EYA2: variants seen among roughly 807,000 people sequenced by gnomAD.
The protein encoded by EYA2 is protein phosphatase EYA2.
A neutral mutation model predicts 69.2 loss-of-function variants in EYA2; 31 were observed. The ratio of observed to expected loss-of-function variants is 0.45; its 90% confidence interval spans 0.34 to 0.60. The LOEUF (loss-of-function observed/expected upper bound fraction) is 0.60, where lower values mean the gene tolerates loss of function less well. EYA2 is among the 20% of genes least tolerant of loss of function. The pLI is 0.02. For synonymous variants in EYA2, 257 were observed against 279.4 expected, an observed-to-expected ratio of 0.92 and a Z score of 0.80; for missense variants, 622 against 701.2, an observed-to-expected ratio of 0.89 and a Z score of 1.28.
chr20:46,975,398 A>G (rs1980399175), intron 1 of EYA2, among the ~76,000 whole-genome samples: 1 of 152,224 alleles, frequency 6.6e-6, no homozygotes, highest in Admixed American at 6.5e-5. Flanking sequence ...GGCCGGGCAC[A>G]GTGGCTTATG....
At chr20:47,023,921 C>T (rs927317680) in intron 5 of EYA2, among the ~76,000 whole-genome samples, 4 of 152,188 alleles carry the variant, frequency 2.6e-5, no homozygotes, top group African/African-American at 9.7e-5. Context: ...AGGCATGAGC[C>T]ACCATGCCCA....
At chr20:46,934,492 G>A (rs929788678) in intron 1 of EYA2, among the ~76,000 whole-genome samples, 5 of 152,096 alleles carry the variant, frequency 3.3e-5, no homozygotes, top group East Asian at 1.9e-4. Flanking sequence ...CAGTTAGGTC[G>A]TGGGCACATC....
intron 1 of EYA2, among the ~76,000 whole-genome samples, chr20:46,921,642 T>G (rs1600545633): frequency 6.6e-6 from 1 of 152,290 alleles, no homozygotes. Context: ...AATGATGCCC[T>G]CTTTTCTCTG....
intron 4 of EYA2, among the ~76,000 whole-genome samples, chr20:47,010,706 A>T (rs6066156): frequency 0.52 from 76,819 of 148,734 alleles, 20,742 homozygotes; most frequent in Non-Finnish European, 0.6. Flanking sequence ...TACAAATATA[A>T]ATATAATATA....
intron 7 of EYA2, among the ~76,000 whole-genome samples, chr20:47,082,952 G>T (rs1459287983): frequency 2.0e-5 from 3 of 152,200 alleles, no homozygotes; most frequent in African/African-American, 7.2e-5. Context: ...CCAGCACTTT[G>T]GGAGGCCGAA....
intron 9 of EYA2, among the ~76,000 whole-genome samples, chr20:47,108,981 T>C (rs2032673278): frequency 6.6e-6 from 1 of 152,004 alleles, no homozygotes. Context: ...ACTGAACTGG[T>C]CTTTCTCAGT....
intron 1 of EYA2, among the ~76,000 whole-genome samples, chr20:46,943,164 A>G (rs1035488447): frequency 6.6e-6 from 1 of 152,152 alleles, no homozygotes; most frequent in Admixed American, 6.5e-5. Flanking sequence ...TTTGGCTGTC[A>G]CATCTAGAGG....
intron 7 of EYA2, among the ~76,000 whole-genome samples, chr20:47,084,234 A>G (rs1047404432): frequency 4.6e-5 from 7 of 151,728 alleles, no homozygotes; most frequent in African/African-American, 1.7e-4. Flanking sequence ...CGACAGAGTG[A>G]GACTTTGTCT....
chr20:47,017,858 T>C (rs1983505240), intron 5 of EYA2, among the ~76,000 whole-genome samples: 2 of 152,210 alleles, frequency 1.3e-5, no homozygotes, highest in Admixed American at 1.3e-4. Context: ...TAGATTTTAT[T>C]GTAAGCATAA....
At chr20:47,155,997 C>T (rs1248431315) in intron 10 of EYA2, among the ~76,000 whole-genome samples, 5 of 145,114 alleles carry the variant, frequency 3.4e-5, no homozygotes, top group Non-Finnish European at 4.5e-5. Context: ...GCCAATGTGG[C>T]GAAATCCCGT....
chr20:47,136,648 C>G (rs1297093279), intron 9 of EYA2, among the ~76,000 whole-genome samples: 2 of 150,812 alleles, frequency 1.3e-5, no homozygotes, highest in Non-Finnish European at 2.9e-5. Context: ...GAGGCTGAGG[C>G]AGGAGGACTG....
intron 5 of EYA2, among the ~76,000 whole-genome samples, chr20:47,049,574 G>A (rs1404737719): frequency 6.7e-6 from 1 of 148,494 alleles, no homozygotes; most frequent in African/African-American, 2.5e-5. Flanking sequence ...CCTCTCTCTT[G>A]CTCTGTCTCG....
At chr20:47,010,849 A>G (rs948681528) in intron 4 of EYA2, among the ~76,000 whole-genome samples, 1 of 148,646 alleles carries the variant, frequency 6.7e-6, no homozygotes, top group African/African-American at 2.5e-5. Context: ...GTGCAGTGGC[A>G]TGATCTCGGC....
At chr20:47,117,680 C>T (rs953293684) in intron 9 of EYA2, 16 of 985,284 alleles carry the variant, frequency 1.6e-5, no homozygotes, top group Admixed American at 1.2e-4. Context: ...GGTTTTATGA[C>T]GCAGCAGTTA....
chr20:47,102,142 A>C lies in EYA2; in HGVS notation c.888+4974A>C, dbSNP rs112986617. ...CTTAGCCAATTTTCTCCATGTGGTA[A>C]CTCCCTCTCAGCAATCCCAACTAAA... On this transcript the variant is annotated intron_variant, in intron 9 of 15. Coordinates refer to ENST00000327619, the MANE Select transcript of EYA2 (RefSeq NM_005244.5). Among the ~76,000 whole-genome samples, 1,466 of 152,138 alleles carry C rather than the reference A, an allele frequency of 9.6e-3. 26 individuals are homozygous for C. Among genetic ancestry groups the C allele is most frequent in the African/African-American group, 0.033 (1,385 of 41,478 alleles).
At chr20:47,019,052 C>G (rs1445012885) in intron 5 of EYA2, among the ~76,000 whole-genome samples, 1 of 152,178 alleles carries the variant, frequency 6.6e-6, no homozygotes, top group Non-Finnish European at 1.5e-5. Flanking sequence ...AGTCACTTAC[C>G]CAAGGTCACA....
chr20:47,173,652 G>C (rs76089560), intron 12 of EYA2, among the ~76,000 whole-genome samples: 3 of 151,838 alleles, frequency 2.0e-5, no homozygotes, highest in African/African-American at 7.3e-5. Flanking sequence ...ACTACTTCTG[G>C]CCTCAAGTGA....
chr20:47,088,825 T>C (rs1164941462), intron 7 of EYA2, among the ~76,000 whole-genome samples: 1 of 152,192 alleles, frequency 6.6e-6, no homozygotes, highest in Non-Finnish European at 1.5e-5. Context: ...CAAGCGATCC[T>C]CTCACCTTGG....
rs1397535669 is a variant in EYA2, at chr20:47,004,944, C to T, written c.158C>T (p.Ser53Phe). The T allele has an allele frequency of 3.1e-6, 5 of 1,614,104 alleles. No homozygotes were observed. The highest frequency in any genetic ancestry group is 4.2e-6 in the Non-Finnish European group (5 of 1,179,990). Residue 53 changes from serine to phenylalanine, a missense_variant and splice_region_variant, in exon 4 of 16, where the codon TCT becomes TTT. Physicochemically the swap from Ser to Phe is radical, Grantham distance 155. Transcript: ENST00000327619. Reference protein sequence around the residue: ...PLRVSQLFSRSCPRVLPRQPS... With the variant: ...PLRVSQLFSRFCPRVLPRQPS... ...TAATCTTCCCTCTTTCCACACAGATCTTGCCCACGTGTCCTCCCCCGCCAG... is the reference window on the plus strand; with the variant it reads ...TAATCTTCCCTCTTTCCACACAGATTTTGCCCACGTGTCCTCCCCCGCCAG...
Sources: gnomAD v4.1 joint callset for allele counts (sites outside exome capture counted in the v4.1 genomes callset) on GRCh38, gnomAD v4.1.1 for gene constraint, MANE v1.5 for transcripts, NCBI Gene and HGNC (gene_info 2026-07-23, HGNC 2026-07-21) for gene names.